RNF144A: variants seen among roughly 807,000 people sequenced by gnomAD.
RNF144A encodes ring finger protein 144A.
Under a neutral mutation model 38.7 loss-of-function variants are expected in RNF144A, and 11 were observed. The observed-to-expected ratio is 0.28, with a 90% CI of 0.18 to 0.47. RNF144A has a LOEUF of 0.47. Among genes scored for constraint, RNF144A ranks in the 20% least tolerant of loss-of-function variants. RNF144A has a pLI of 0.99. For missense variants in RNF144A, 316 were observed against 377.2 expected, an observed-to-expected ratio of 0.84 and a Z score of 1.34; for synonymous variants, 149 against 143.9, an observed-to-expected ratio of 1.04 and a Z score of -0.25.
At chr2:7,030,032 G>A in intron 7 of RNF144A, 94 bp from the exon 8 acceptor site, 1 of 871,974 alleles carries the variant, frequency 1.1e-6, no homozygotes, top group East Asian at 2.4e-5. Flanking sequence ...CACTTATCAT[G>A]AGCATAGGAG....
intron 2 of RNF144A, among the ~76,000 whole-genome samples, chr2:6,949,820 G>T (rs1476418382): frequency 6.6e-6 from 1 of 152,130 alleles, no homozygotes; most frequent in Non-Finnish European, 1.5e-5. Context: ...AGGAATTATG[G>T]ATAATTTATT....
intron 7 of RNF144A, among the ~76,000 whole-genome samples, chr2:7,025,229 C>T (rs996330930): frequency 1.3e-5 from 2 of 152,244 alleles, no homozygotes; most frequent in African/African-American, 4.8e-5. Context: ...CAGGCCCACA[C>T]GTCTCTGGAG....
downstream of RNF144A, among the ~76,000 whole-genome samples, chr2:7,045,348 T>A (rs573932566): frequency 2.2e-4 from 34 of 152,288 alleles, no homozygotes; most frequent in African/African-American, 8.2e-4. Context: ...AGCTTTACTG[T>A]CTTCCAGGTC....
chr2:6,991,846 G>A (rs1400302498), intron 2 of RNF144A, among the ~76,000 whole-genome samples: 2 of 151,782 alleles, frequency 1.3e-5, no homozygotes, highest in Non-Finnish European at 2.9e-5. Context: ...ATATATAATT[G>A]TTGTTATAAT....
intron 1 of RNF144A, among the ~76,000 whole-genome samples, chr2:6,936,802 C>A (rs1665615219): frequency 6.6e-6 from 1 of 150,900 alleles, no homozygotes; most frequent in African/African-American, 2.4e-5. Context: ...GAAGCCTCAT[C>A]CTATCCTTCA....
chr2:6,999,009 C>G (rs1208318744), intron 3 of RNF144A, among the ~76,000 whole-genome samples: 2 of 152,082 alleles, frequency 1.3e-5, no homozygotes, highest in Non-Finnish European at 2.9e-5. Context: ...TTTGCTGAGG[C>G]CTTCATTTTT....
At chr2:7,048,109 T>C (rs764452223), downstream of RNF144A, among the ~76,000 whole-genome samples, 1 of 152,206 alleles carries the variant, frequency 6.6e-6, no homozygotes, top group Non-Finnish European at 1.5e-5. Context: ...TCCTGTCTGT[T>C]TTCAAGCCAG....
chr2:6,980,790 C>T (rs187882754), intron 2 of RNF144A, among the ~76,000 whole-genome samples: 1 of 152,376 alleles, frequency 6.6e-6, no homozygotes, highest in East Asian at 1.9e-4. Flanking sequence ...TCTAATCCCA[C>T]CTTTCCCTTC....
chr2:6,919,587 G>A lies in RNF144A; in HGVS notation c.-212+1965G>A, dbSNP rs6740509. On this transcript the variant is annotated intron_variant, in intron 1 of 8. Transcript: ENST00000320892. The stretch of plus-strand genomic sequence containing the variant: ...TTTAGAGTGATTTCCGCGGTGTTGC[G>A]TGGAAGGGAAGGCATGGTGTGGTGT... Among the ~76,000 whole-genome samples, 1,206 of 134,496 alleles carry A rather than the reference G, an allele frequency of 9.0e-3. 13 individuals are homozygous for A. Among genetic ancestry groups the A allele is most frequent in the African/African-American group, 0.031 (1,146 of 37,250 alleles). 88.2% of individuals were successfully genotyped at this position (134,496 alleles called of 152,430 possible).
intron 2 of RNF144A, 55 bp from the exon 3 acceptor site, chr2:6,996,861 G>A (rs915878841): frequency 1.6e-5 from 25 of 1,578,100 alleles, no homozygotes; most frequent in Admixed American, 3.4e-5. Flanking sequence ...TTGCCACGGA[G>A]CAGGTGGATG....
At chr2:7,070,323 A>C (rs2103485476), downstream of RNF144A, among the ~76,000 whole-genome samples, 1 of 152,256 alleles carries the variant, frequency 6.6e-6, no homozygotes, top group Non-Finnish European at 1.5e-5. Context: ...GGCTTGTGCC[A>C]CCACACCCAG....
chr2:7,041,463 T>C lies in RNF144A; in HGVS notation c.*1703T>C. ...AATTACATTCAAAAAGCTCTCCTTG[T>C]AATTGCAAGTTTAGTAACTCAGTAA... On this transcript the variant is annotated 3_prime_UTR_variant, in exon 9 of 9. Transcript: ENST00000320892. 2 of 985,966 alleles carry C rather than the reference T, an allele frequency of 2.0e-6. No individual in the cohort carries two copies. The highest frequency in any genetic ancestry group is 2.4e-6 in the Non-Finnish European group (2 of 829,944). 61.1% of individuals were successfully genotyped at this position (985,966 alleles called of 1,614,324 possible). A position where few individuals can be genotyped will look rare whatever the true frequency, so the allele number is the denominator to read the frequency against.
At chr2:6,994,076 A>G (rs1039196440) in intron 2 of RNF144A, among the ~76,000 whole-genome samples, 2 of 152,120 alleles carry the variant, frequency 1.3e-5, no homozygotes, top group African/African-American at 4.8e-5. Flanking sequence ...CAAGTGGCCA[A>G]AAAAAAGGAA....
At chr2:6,952,289 A>G (rs1247753923) in intron 2 of RNF144A, among the ~76,000 whole-genome samples, 2 of 151,656 alleles carry the variant, frequency 1.3e-5, no homozygotes, top group East Asian at 1.9e-4. Flanking sequence ...GCTGGATTCT[A>G]TTTGCCCATA....
intron 2 of RNF144A, among the ~76,000 whole-genome samples, chr2:6,948,753 G>A (rs900503332): frequency 1.3e-5 from 2 of 152,252 alleles, no homozygotes; most frequent in African/African-American, 2.4e-5. Flanking sequence ...CCAGATGGGT[G>A]TGGGCGTGGT....
intron 1 of RNF144A, among the ~76,000 whole-genome samples, chr2:6,919,324 C>T (rs1022171761): frequency 2.0e-5 from 3 of 152,216 alleles, no homozygotes; most frequent in Admixed American, 6.5e-5. Context: ...AGACAACAGC[C>T]TTTTTTATTG....
chr2:6,985,973 C>T (rs376293839), intron 2 of RNF144A, among the ~76,000 whole-genome samples: 2 of 152,182 alleles, frequency 1.3e-5, no homozygotes, highest in Admixed American at 6.5e-5. Context: ...TGTGCCCGGC[C>T]GCATGTTTTA....
chr2:6,968,431 C>T (rs919040070), intron 2 of RNF144A, among the ~76,000 whole-genome samples: 1 of 152,232 alleles, frequency 6.6e-6, no homozygotes, highest in Admixed American at 6.5e-5. Flanking sequence ...CTGGCTTTGC[C>T]AGTGGCTCTT....
At chr2:6,986,093 C>T (rs1668945360) in intron 2 of RNF144A, among the ~76,000 whole-genome samples, 1 of 152,132 alleles carries the variant, frequency 6.6e-6, no homozygotes, top group Admixed American at 6.5e-5. Flanking sequence ...ATGAAGGCTG[C>T]ACAGGTTTAG....
Sources: allele counts gnomAD v4.1 joint callset (sites outside exome capture counted in the v4.1 genomes callset), GRCh38; gene constraint gnomAD v4.1.1; transcripts MANE v1.5; gene names NCBI Gene and HGNC (gene_info 2026-07-23, HGNC 2026-07-21).